The following DYNC1I1 variants were observed in gnomAD, a reference collection of about 807,000 sequenced individuals.
DYNC1I1 encodes the protein cytoplasmic dynein 1 intermediate chain 1.
Under a neutral mutation model 86.6 loss-of-function variants are expected in DYNC1I1, and 43 were observed. The ratio of observed to expected loss-of-function variants is 0.50; its 90% CI spans 0.39 to 0.64. DYNC1I1 has a LOEUF of 0.64. DYNC1I1 is among the 30% of genes least tolerant of loss of function. The pLI is 0.00. For missense variants in DYNC1I1, 604 were observed against 788.8 expected (o/e 0.77, Z 2.81); for synonymous variants, 262 against 283.7 (o/e 0.92, Z 0.77).
chr7:95,831,039 T>A (rs1434014974), intron 5 of DYNC1I1, among the ~76,000 whole-genome samples: 2 of 152,292 alleles, frequency 1.3e-5, no homozygotes, highest in Admixed American at 6.5e-5. Flanking sequence ...TCTGCTTAAA[T>A]CTGTTAGTCT....
chr7:96,053,162 C>T (rs577086529), intron 14 of DYNC1I1, among the ~76,000 whole-genome samples: 27 of 152,240 alleles, frequency 1.8e-4, no homozygotes, highest in African/African-American at 5.8e-4. Flanking sequence ...GAGGCTGCCC[C>T]GCCCAATTCA....
chr7:95,773,169 G>C (rs1793750608), intron 1 of DYNC1I1, among the ~76,000 whole-genome samples: 1 of 152,240 alleles, frequency 6.6e-6, no homozygotes, highest in South Asian at 2.1e-4. Flanking sequence ...CCTGGAGGAG[G>C]GGGAAAGCTG....
intron 7 of DYNC1I1, among the ~76,000 whole-genome samples, chr7:95,984,537 C>T (rs1474649207): frequency 2.0e-5 from 3 of 151,962 alleles, no homozygotes; most frequent in Non-Finnish European, 4.4e-5. Context: ...GAACTGATTG[C>T]TAAAAACACA....
intron 4 of DYNC1I1, 76 bp from the exon 5 acceptor site, chr7:95,827,981 C>G (rs1795239702): frequency 6.8e-7 from 1 of 1,476,010 alleles, no homozygotes; most frequent in South Asian, 1.1e-5. Context: ...TGATGAATGA[C>G]ATAGTTTGGT....
intron 5 of DYNC1I1, among the ~76,000 whole-genome samples, chr7:95,855,609 G>T (rs1260038665): frequency 6.6e-6 from 1 of 152,168 alleles, no homozygotes; most frequent in Non-Finnish European, 1.5e-5. Context: ...ACTTACACAA[G>T]CGTTGATGGA....
intron 6 of DYNC1I1, among the ~76,000 whole-genome samples, chr7:95,944,897 T>C (rs1792352669): frequency 6.8e-6 from 1 of 147,946 alleles, no homozygotes; most frequent in Non-Finnish European, 1.5e-5. Flanking sequence ...GGAGGAGGGA[T>C]AGTTTTAGGA....
chr7:96,052,803 G>A (rs148920503), intron 14 of DYNC1I1, among the ~76,000 whole-genome samples: 18 of 152,252 alleles, frequency 1.2e-4, no homozygotes, highest in Non-Finnish European at 2.6e-4. Context: ...GATGCCATGC[G>A]ATGGAGTGTA....
At chr7:95,794,923 G>C (rs1187478058) in intron 1 of DYNC1I1, among the ~76,000 whole-genome samples, 1 of 152,224 alleles carries the variant, frequency 6.6e-6, no homozygotes, top group Admixed American at 6.5e-5. Flanking sequence ...TTTCAACTGT[G>C]TGTATGGATT....
At chr7:95,904,365 C>A (rs922681753) in intron 6 of DYNC1I1, among the ~76,000 whole-genome samples, 1 of 152,112 alleles carries the variant, frequency 6.6e-6, no homozygotes, top group South Asian at 2.1e-4. Context: ...GAGATGCACC[C>A]TAGTAAGCCA....
chr7:95,994,338 T>G (rs1050557391), intron 9 of DYNC1I1, among the ~76,000 whole-genome samples: 3 of 151,930 alleles, frequency 2.0e-5, no homozygotes, highest in African/African-American at 7.3e-5. Context: ...AGAAAAAAAA[T>G]TATAATGCAT....
rs1003980281 is a variant in DYNC1I1 at position 95,920,282 on chromosome 7, A to G, written c.490+50284A>G. On this transcript the variant is annotated intron_variant, in intron 6 of 16. Coordinates refer to ENST00000447467, the MANE Select transcript of DYNC1I1 (RefSeq NM_001135556.2). ...CCACAAACCCCGTCTAATCATGAGAAAAACATCACGCAAATTTCACTAACA... is the reference window on the plus strand; with the variant it reads ...CCACAAACCCCGTCTAATCATGAGAGAAACATCACGCAAATTTCACTAACA... Among the ~76,000 whole-genome samples the G allele has an allele frequency of 5.3e-5, 8 of 152,334 alleles. No homozygotes were observed. The South Asian group carries it at 1.7e-3, about 32-fold the overall frequency.
intron 14 of DYNC1I1, among the ~76,000 whole-genome samples, chr7:96,047,750 A>G (rs1333794745): frequency 6.6e-6 from 1 of 151,586 alleles, no homozygotes; most frequent in Non-Finnish European, 1.5e-5. Flanking sequence ...GAGAGACCTG[A>G]GTATATTTGC....
At chr7:96,079,415 G>C (rs1442123968) in intron 15 of DYNC1I1, among the ~76,000 whole-genome samples, 1 of 151,902 alleles carries the variant, frequency 6.6e-6, no homozygotes, top group Non-Finnish European at 1.5e-5. Context: ...CTTGTAAAAG[G>C]CTCAAGAGAT....
intron 14 of DYNC1I1, among the ~76,000 whole-genome samples, chr7:96,042,208 G>T (rs977833705): frequency 2.0e-5 from 3 of 152,092 alleles, no homozygotes; most frequent in African/African-American, 7.2e-5. Flanking sequence ...TACTATGTTG[G>T]TGTCATTGAG....
At chr7:95,970,449 CCA>C (rs1355804012) in intron 6 of DYNC1I1, among the ~76,000 whole-genome samples, 2 of 152,068 alleles carry the variant, frequency 1.3e-5, no homozygotes, top group Non-Finnish European at 2.9e-5. Flanking sequence ...CAAGCCATCC[CCA>C]GAGAGATATA....
Position 96,059,292 on chromosome 7 carries a change from G to T in DYNC1I1, c.1510-16765G>T, listed in dbSNP as rs137901854. On this transcript the variant is annotated intron_variant, in intron 14 of 16. Coordinates refer to ENST00000447467, the MANE Select transcript of DYNC1I1 (RefSeq NM_001135556.2). ...ACAGCACTTCAGCACTATGCTTGGG[G>T]CCATTCCAAACAGTGAAATCGAAAA... Among the ~76,000 whole-genome samples the T allele has an allele frequency of 1.8e-3, 273 of 151,564 alleles. 1 individual carries two copies. Among genetic ancestry groups the T allele is most frequent in the African/African-American group, 6.3e-3 (258 of 41,258 alleles).
rs143247205 is a variant in DYNC1I1 at position 95,809,797 on chromosome 7, A to G, written c.109-595A>G. Reference sequence around the variant, plus strand: ...TTCTTCCAGTTAGTATATATAATGGAATGCTGTGAAAATTAGAATAAAGTA... The same window carrying G: ...TTCTTCCAGTTAGTATATATAATGGGATGCTGTGAAAATTAGAATAAAGTA... On this transcript the variant is annotated intron_variant, in intron 2 of 16. Coordinates refer to ENST00000447467, the MANE Select transcript of DYNC1I1 (RefSeq NM_001135556.2). Among the ~76,000 whole-genome samples the G allele has an allele frequency of 2.9e-4, 44 of 152,294 alleles. No individual in the cohort carries two copies. The East Asian group carries it at 7.7e-3, about 27-fold the overall frequency.
At chr7:95,886,642 C>G (rs1790600806) in intron 6 of DYNC1I1, among the ~76,000 whole-genome samples, 1 of 152,034 alleles carries the variant, frequency 6.6e-6, no homozygotes. Flanking sequence ...AATTTTTTAT[C>G]AAAATATTTT....
At chr7:95,878,240 A>G (rs1227653193) in intron 6 of DYNC1I1, among the ~76,000 whole-genome samples, 1 of 152,194 alleles carries the variant, frequency 6.6e-6, no homozygotes, top group Non-Finnish European at 1.5e-5. Flanking sequence ...GGGCAACTAG[A>G]TGGATTTAAC....
Sources: allele counts gnomAD v4.1 joint callset (sites outside exome capture counted in the v4.1 genomes callset), GRCh38; gene constraint gnomAD v4.1.1; transcripts MANE v1.5; gene names NCBI Gene and HGNC (gene_info 2026-07-23, HGNC 2026-07-21).